The following UBE2H variants were observed in gnomAD, a reference collection of about 807,000 sequenced individuals.
UBE2H encodes ubiquitin conjugating enzyme E2 H.
UBE2H carries 3 observed loss-of-function variants against 29.0 expected under a neutral mutation model. That is an observed-to-expected ratio of 0.10 (90% CI 0.05 to 0.27). The LOEUF (loss-of-function observed/expected upper bound fraction) is 0.27, where lower values mean the gene tolerates loss of function less well. Among genes scored for constraint, UBE2H ranks in the 10% least tolerant of loss-of-function variants. The probability of loss-of-function intolerance (pLI) is 1.00; values close to 1 mark genes in which losing one functional copy is unlikely to be tolerated. For synonymous variants in UBE2H, 69 were observed against 82.9 expected, an observed-to-expected ratio of 0.83 and a Z score of 0.91; for missense variants, 68 against 228.2, an observed-to-expected ratio of 0.30 and a Z score of 4.52.
At chr7:129,841,130 CT>C (rs1805422450) in intron 5 of UBE2H, among the ~76,000 whole-genome samples, 5 of 152,154 alleles carry the variant, frequency 3.3e-5, no homozygotes, top group Admixed American at 2.6e-4. Flanking sequence ...GTAGGCAAAC[CT>C]TTTTGTAAAG....
intron 1 of UBE2H, among the ~76,000 whole-genome samples, chr7:129,929,209 T>TG (rs1271501229): frequency 2.0e-5 from 3 of 149,500 alleles, no homozygotes; most frequent in South Asian, 2.1e-4. Context: ...CCCAGCTACT[T>TG]GGGGGGCCGA....
intron 1 of UBE2H, among the ~76,000 whole-genome samples, chr7:129,930,909 CAAAA>C (rs71175050): frequency 6.7e-4 from 23 of 34,294 alleles, no homozygotes; most frequent in African/African-American, 2.5e-3. Context: ...CCCCGTCTCA[CAAAA>C]AAAAAAAAAA....
chr7:129,889,991 G>A (rs1045849705), intron 1 of UBE2H, among the ~76,000 whole-genome samples: 1 of 151,954 alleles, frequency 6.6e-6, no homozygotes, highest in African/African-American at 2.4e-5. Flanking sequence ...AAATTAGCTG[G>A]GCAGGGTGGT....
chr7:129,880,035 C>T (rs1259662266), intron 2 of UBE2H, among the ~76,000 whole-genome samples: 1 of 151,876 alleles, frequency 6.6e-6, no homozygotes, highest in Non-Finnish European at 1.5e-5. Context: ...ATAACAAAAC[C>T]CAGAATTTAC....
chr7:129,944,875 C>T lies in UBE2H; in HGVS notation c.53+7628G>A, dbSNP rs150520034. Among the ~76,000 whole-genome samples the T allele has an allele frequency of 4.5e-3, 688 of 151,738 alleles. 6 individuals are homozygous for T. The highest frequency in any genetic ancestry group is 0.016 in the African/African-American group (655 of 41,150). On this transcript the variant is annotated intron_variant, in intron 1 of 6. Transcript: ENST00000355621. ...GGTAATAGCCCAAAACTGGAAATAACCCAAATGCCACCAAGCATTAAGAGG... is the reference window on the plus strand; with the variant it reads ...GGTAATAGCCCAAAACTGGAAATAATCCAAATGCCACCAAGCATTAAGAGG...
At chr7:129,940,487 G>A (rs887047614) in intron 1 of UBE2H, among the ~76,000 whole-genome samples, 2 of 152,128 alleles carry the variant, frequency 1.3e-5, no homozygotes, top group Middle Eastern at 3.2e-3. Flanking sequence ...CCAGAGAATG[G>A]CAAAGTCCAG....
At chr7:129,890,536 T>A (rs1806463396) in intron 1 of UBE2H, among the ~76,000 whole-genome samples, 1 of 152,026 alleles carries the variant, frequency 6.6e-6, no homozygotes, top group African/African-American at 2.4e-5. Flanking sequence ...CCTGCCACCA[T>A]GCATGGCTAA....
intron 5 of UBE2H, among the ~76,000 whole-genome samples, chr7:129,847,299 C>T (rs1446729904): frequency 1.3e-5 from 2 of 152,174 alleles, no homozygotes; most frequent in Non-Finnish European, 2.9e-5. Context: ...CTCAGACTCC[C>T]AAAGTGCTGG....
intron 1 of UBE2H, among the ~76,000 whole-genome samples, chr7:129,912,896 A>G (rs1447751668): frequency 6.6e-6 from 1 of 152,160 alleles, no homozygotes; most frequent in African/African-American, 2.4e-5. Context: ...TTCCTCAAAT[A>G]TTTTGTTCAA....
intron 1 of UBE2H, among the ~76,000 whole-genome samples, chr7:129,888,054 GACAA>G (rs1435541900): frequency 6.6e-6 from 1 of 152,150 alleles, no homozygotes; most frequent in Non-Finnish European, 1.5e-5. Context: ...GTATATCCAT[GACAA>G]ACAGCCTCTA....
intron 6 of UBE2H, among the ~76,000 whole-genome samples, chr7:129,837,366 T>C (rs1427739373): frequency 1.3e-5 from 2 of 151,998 alleles, no homozygotes; most frequent in South Asian, 2.1e-4. Flanking sequence ...GAGGGTAAAA[T>C]GTAACACTTG....
At position 129,839,188 on chromosome 7, in the gene UBE2H, A is replaced by G. The variant is rs1362986499; in HGVS notation, c.427+19T>C. ...ATTTAAGTTCTTTTGTCTCCAGGTT[A>G]AACTACCCATCCTCTTACCTTTAAT... On this transcript the variant is annotated intron_variant, in intron 6 of 6. Transcript: ENST00000355621. 1.2e-5 allele frequency: 20 copies of G among 1,606,558 alleles called. No homozygotes were observed. In the Middle Eastern group the frequency reaches 7.0e-4, roughly 57 times the overall value.
At chr7:129,879,511 A>AT (rs1394490093) in intron 3 of UBE2H, 57 bp downstream of exon 3, 44 of 1,512,142 alleles carry the variant, frequency 2.9e-5, no homozygotes, top group Non-Finnish European at 1.7e-5. Context: ...GAAATGTAAG[A>AT]TTTTTCCCCC....
At chr7:129,885,281 TAAC>T (rs1429206459) in intron 1 of UBE2H, among the ~76,000 whole-genome samples, 1 of 152,186 alleles carries the variant, frequency 6.6e-6, no homozygotes, top group Non-Finnish European at 1.5e-5. Flanking sequence ...TAAACGAGTT[TAAC>T]AAAAGAAGTC....
chr7:129,876,715 C>CA (rs1053756038), intron 3 of UBE2H, among the ~76,000 whole-genome samples: 4 of 151,486 alleles, frequency 2.6e-5, no homozygotes, highest in Middle Eastern at 3.4e-3. Context: ...AGTAAAATTC[C>CA]AAAAAAAAGA....
At position 129,896,338 on chromosome 7, in the gene UBE2H, A is replaced by G. The variant is rs544474647; in HGVS notation, c.54-15367T>C. Among the ~76,000 whole-genome samples the G allele has an allele frequency of 5.7e-4, 86 of 151,870 alleles. No homozygotes were observed. The South Asian group carries it at 9.0e-3, about 16-fold the overall frequency. ...GGTAACAGAGTGAGACTCCGTCTCA[A>G]AAAAAAAACAAAATCTTTAAGAACA... On this transcript the variant is annotated intron_variant, in intron 1 of 6. Transcript: ENST00000355621.
intron 3 of UBE2H, among the ~76,000 whole-genome samples, chr7:129,878,157 G>A (rs1370657203): frequency 6.6e-6 from 1 of 152,124 alleles, no homozygotes; most frequent in African/African-American, 2.4e-5. Flanking sequence ...CTCTCAAAAG[G>A]AGAAGGTGTA....
chr7:129,893,677 C>T (rs188556576), intron 1 of UBE2H, among the ~76,000 whole-genome samples: 5 of 152,148 alleles, frequency 3.3e-5, no homozygotes, highest in African/African-American at 4.8e-5. Flanking sequence ...AGAAGGCTAT[C>T]GATGAAATAT....
At chr7:129,880,403 G>C (rs1306063846) in intron 2 of UBE2H, among the ~76,000 whole-genome samples, 1 of 152,132 alleles carries the variant, frequency 6.6e-6, no homozygotes, top group Admixed American at 6.5e-5. Flanking sequence ...CTACTTCGAA[G>C]GCTGAGGCAG....
Sources: allele counts gnomAD v4.1 joint callset (sites outside exome capture counted in the v4.1 genomes callset), GRCh38; gene constraint gnomAD v4.1.1; transcripts MANE v1.5; gene names NCBI Gene and HGNC (gene_info 2026-07-23, HGNC 2026-07-21).